The following ELK3 variants were observed in gnomAD, a reference collection of about 807,000 sequenced individuals.
The protein encoded by ELK3 is ETS domain-containing protein Elk-3.
Under a neutral mutation model 28.9 loss-of-function variants are expected in ELK3, and 10 were observed. The ratio of observed to expected loss-of-function variants is 0.35; its 90% confidence interval spans 0.21 to 0.59. The LOEUF is 0.59. Among genes scored for constraint, ELK3 ranks in the 20% least tolerant of loss-of-function variants. The pLI is 0.82. For synonymous variants in ELK3, 272 were observed against 243.5 expected, an observed-to-expected ratio of 1.12 and a Z score of -1.09; for missense variants, 463 against 517.3, an observed-to-expected ratio of 0.90 and a Z score of 1.02.
intron 1 of ELK3, among the ~76,000 whole-genome samples, chr12:96,211,091 G>T (rs1436404235): frequency 6.6e-6 from 1 of 152,156 alleles, no homozygotes; most frequent in Admixed American, 6.5e-5. Context: ...TTCCTCGTGG[G>T]CACAGCCAAC....
At chr12:96,210,561 G>GCACACACACACACACACACACA (rs368183390) in intron 1 of ELK3, among the ~76,000 whole-genome samples, 12 of 144,836 alleles carry the variant, frequency 8.3e-5, no homozygotes, top group African/African-American at 2.3e-4. Flanking sequence ...GCGCGCGGGC[G>GCACACACACACACACACACACA]CACGCACACA....
intron 2 of ELK3, among the ~76,000 whole-genome samples, chr12:96,235,475 A>G (rs1438157409): frequency 6.6e-6 from 1 of 152,184 alleles, no homozygotes; most frequent in Non-Finnish European, 1.5e-5. Flanking sequence ...CAAGTGTAGT[A>G]GGAATGAGTA....
intron 2 of ELK3, among the ~76,000 whole-genome samples, chr12:96,237,630 T>C (rs184246598): frequency 6.6e-6 from 1 of 152,306 alleles, no homozygotes; most frequent in African/African-American, 2.4e-5. Flanking sequence ...CAGTGTTCAC[T>C]GAAAGCCAGG....
At chr12:96,214,168 C>T (rs1186491214) in intron 1 of ELK3, among the ~76,000 whole-genome samples, 3 of 152,164 alleles carry the variant, frequency 2.0e-5, no homozygotes, top group South Asian at 2.1e-4. Context: ...CGGTGGCTCA[C>T]GCTTATAATC....
intron 1 of ELK3, among the ~76,000 whole-genome samples, chr12:96,196,993 A>G (rs1951474689): frequency 6.6e-6 from 1 of 152,172 alleles, no homozygotes; most frequent in Non-Finnish European, 1.5e-5. Context: ...TTCACAGAGT[A>G]GGTGCTCAAT....
At chr12:96,255,635 G>A (rs1458389878) in intron 3 of ELK3, 1 of 152,236 alleles carries the variant, frequency 6.6e-6, no homozygotes, top group Non-Finnish European at 1.5e-5. Context: ...CCAAATATGA[G>A]TGACCATGGC....
At position 96,218,711 on chromosome 12, in the gene ELK3, C is replaced by T. The variant is rs370956570; in HGVS notation, c.-2-4854C>T. On this transcript the variant is annotated intron_variant, in intron 1 of 4. Coordinates refer to ENST00000228741, the MANE Select transcript of ELK3 (RefSeq NM_005230.4). ...TCACCTAGGCTGGAGTGTAGTGGCG[C>T]GATCTTGCCTCACTGCAAGCTCCAC... Among the ~76,000 whole-genome samples, 235 of 148,564 alleles carry T rather than the reference C, an allele frequency of 1.6e-3. 1 individual carries two copies. The highest frequency in any genetic ancestry group is 5.2e-3 in the African/African-American group (209 of 39,902).
At chr12:96,209,883 A>G (rs1345787163) in intron 1 of ELK3, among the ~76,000 whole-genome samples, 1 of 151,772 alleles carries the variant, frequency 6.6e-6, no homozygotes, top group Non-Finnish European at 1.5e-5. Flanking sequence ...ACAGAAGTTA[A>G]CATCCCTGCT....
chr12:96,244,829 T>C (rs561717690), intron 2 of ELK3, among the ~76,000 whole-genome samples: 1 of 152,302 alleles, frequency 6.6e-6, no homozygotes, highest in South Asian at 2.1e-4. Flanking sequence ...CTGATTTTCC[T>C]GGGCATGTTC....
intron 2 of ELK3, among the ~76,000 whole-genome samples, chr12:96,236,904 G>GA (rs1951788399): frequency 6.6e-6 from 1 of 152,160 alleles, no homozygotes. Context: ...AGGCCCTAGG[G>GA]AAAAATCCCC....
intron 2 of ELK3, among the ~76,000 whole-genome samples, chr12:96,226,440 GCA>G (rs148595418): frequency 2.0e-5 from 3 of 151,838 alleles, no homozygotes; most frequent in Non-Finnish European, 4.4e-5. Flanking sequence ...CTGTCCACAT[GCA>G]CACACACACA....
chr12:96,209,486 A>G (rs1306732944), intron 1 of ELK3, among the ~76,000 whole-genome samples: 1 of 152,198 alleles, frequency 6.6e-6, no homozygotes, highest in Non-Finnish European at 1.5e-5. Flanking sequence ...AAAGGTTCTC[A>G]TTGCACTGGG....
In ELK3 at chr12:96,246,932, A is replaced by G. The variant is rs758653020; in HGVS notation, c.208-8A>G. The G allele has an allele frequency of 6.3e-7, 1 of 1,578,248 alleles. No homozygotes were observed. The highest frequency in any genetic ancestry group is 2.3e-5 in the East Asian group (1 of 44,340). The stretch of plus-strand genomic sequence containing the variant: ...TCAGATTTTCAACGTCTACTTTTGT[A>G]TTTGCAGAACATCATCAAGAAGGTG... On this transcript the variant is annotated splice_polypyrimidine_tract_variant and splice_region_variant and intron_variant, in intron 2 of 4. Coordinates refer to ENST00000228741, the MANE Select transcript of ELK3 (RefSeq NM_005230.4).
intron 1 of ELK3, among the ~76,000 whole-genome samples, chr12:96,196,963 G>A (rs1022975246): frequency 2.0e-5 from 3 of 152,010 alleles, no homozygotes; most frequent in Non-Finnish European, 2.9e-5. Flanking sequence ...ATGAGTACAG[G>A]ATGTCCCTAA....
chr12:96,219,376 G>A (rs561520925), intron 1 of ELK3, among the ~76,000 whole-genome samples: 5 of 152,216 alleles, frequency 3.3e-5, no homozygotes, highest in East Asian at 1.9e-4. Flanking sequence ...TAGTGTTAGC[G>A]GTTATTGGAA....
chr12:96,215,677 C>G (rs138982973), intron 1 of ELK3, among the ~76,000 whole-genome samples: 1 of 149,020 alleles, frequency 6.7e-6, no homozygotes, highest in Admixed American at 6.7e-5. Flanking sequence ...GCTCTGTCAC[C>G]CAGGCTGGAG....
At chr12:96,215,361 C>T (rs944480115) in intron 1 of ELK3, among the ~76,000 whole-genome samples, 16 of 152,222 alleles carry the variant, frequency 1.1e-4, no homozygotes, top group South Asian at 8.3e-4. Flanking sequence ...AGACGTCGGG[C>T]GCCACCTTGT....
intron 1 of ELK3, among the ~76,000 whole-genome samples, chr12:96,199,204 G>A (rs1174192280): frequency 6.6e-6 from 1 of 152,186 alleles, no homozygotes; most frequent in Non-Finnish European, 1.5e-5. Flanking sequence ...GAGAAACCAG[G>A]TTAAACTGAA....
chr12:96,211,604 AAG>A (rs1951580347), intron 1 of ELK3, among the ~76,000 whole-genome samples: 2 of 152,106 alleles, frequency 1.3e-5, no homozygotes, highest in Non-Finnish European at 2.9e-5. Context: ...GATCTCTAAA[AAG>A]AATAATTTCT....
Sources: gnomAD v4.1 joint callset for allele counts (sites outside exome capture counted in the v4.1 genomes callset) on GRCh38, gnomAD v4.1.1 for gene constraint, MANE v1.5 for transcripts, NCBI Gene and HGNC (gene_info 2026-07-23, HGNC 2026-07-21) for gene names.